The following GAN variants were observed in gnomAD, a reference collection of about 807,000 sequenced individuals.
GAN encodes gigaxonin, also known as epididymis secretory sperm binding protein.
GAN carries 48 observed loss-of-function variants against 71.3 expected under a neutral mutation model. That is an observed-to-expected ratio of 0.67 (90% CI 0.53 to 0.86). The LOEUF (loss-of-function observed/expected upper bound fraction) is 0.86, where lower values mean the gene tolerates loss of function less well. GAN is among the 40% of genes least tolerant of loss of function. GAN has a pLI of 0.00. For missense variants in GAN, 928 were observed against 770.1 expected (o/e 1.21, Z -2.43); for synonymous variants, 386 against 276.8 (o/e 1.39, Z -3.92).
chr16:81,346,201 A>G (rs747081626), intron 1 of GAN, among the ~76,000 whole-genome samples: 1 of 152,242 alleles, frequency 6.6e-6, no homozygotes, highest in Non-Finnish European at 1.5e-5. Flanking sequence ...ATTATTAACT[A>G]CAGCAGGAGA....
intron 9 of GAN, among the ~76,000 whole-genome samples, chr16:81,371,686 C>T (rs1019525603): frequency 1.3e-5 from 2 of 152,084 alleles, no homozygotes; most frequent in Non-Finnish European, 2.9e-5. Flanking sequence ...CCTGGTTGCC[C>T]CAAGACCCCT....
intron 2 of GAN, 133 bp downstream of exon 2, chr16:81,351,830 C>T (rs1238815277): frequency 4.2e-6 from 3 of 714,160 alleles, no homozygotes; most frequent in Admixed American, 3.9e-5. Flanking sequence ...CATTGACTGA[C>T]ATTTCCTACT....
rs551198435 is a variant in GAN at position 81,379,616 on chromosome 16, T to A, written c.*2020T>A. 11 of 152,336 alleles carry A rather than the reference T, an allele frequency of 7.2e-5. No homozygotes were observed. Among genetic ancestry groups the A allele is most frequent in the African/African-American group, 2.6e-4 (11 of 41,590 alleles). 9.4% of individuals were successfully genotyped at this position (152,336 alleles called of 1,614,324 possible). A position where few individuals can be genotyped will look rare whatever the true frequency, so the allele number is the denominator to read the frequency against. On this transcript the variant is annotated 3_prime_UTR_variant, in exon 11 of 11. Transcript: ENST00000648994. ...AGATTTTTCTTTTTACAACTAGATA[T>A]TAGTTTTAGAGGAAGGAAATAGCTG...
intron 9 of GAN, among the ~76,000 whole-genome samples, chr16:81,376,622 A>ATG (rs1904281760): frequency 1.3e-5 from 2 of 150,548 alleles, no homozygotes; most frequent in South Asian, 4.2e-4. Flanking sequence ...GTATATGTAT[A>ATG]TATACATACA....
At chr16:81,316,692 A>G (rs2150664554) in intron 1 of GAN, among the ~76,000 whole-genome samples, 1 of 152,334 alleles carries the variant, frequency 6.6e-6, no homozygotes, top group African/African-American at 2.4e-5. Context: ...AGTTCTTTAA[A>G]TGGCATCCGT....
At chr16:81,346,048 A>T (rs1910108596) in intron 1 of GAN, among the ~76,000 whole-genome samples, 1 of 152,228 alleles carries the variant, frequency 6.6e-6, no homozygotes. Context: ...TAAGAACTCT[A>T]ATTCTATCCT....
intron 1 of GAN, among the ~76,000 whole-genome samples, chr16:81,335,446 G>A (rs1300188818): frequency 6.6e-6 from 1 of 152,000 alleles, no homozygotes; most frequent in Non-Finnish European, 1.5e-5. Flanking sequence ...GTGAAACCCT[G>A]TGTCTACTAA....
chr16:81,338,184 GT>G (rs1909827920), intron 1 of GAN, among the ~76,000 whole-genome samples: 2 of 152,070 alleles, frequency 1.3e-5, no homozygotes, highest in Non-Finnish European at 2.9e-5. Flanking sequence ...ACTTTCTATT[GT>G]TTCTAATTTT....
At chr16:81,354,275 G>T in intron 2 of GAN, 130 bp from the exon 3 acceptor site, 2 of 678,456 alleles carry the variant, frequency 2.9e-6, no homozygotes, top group Non-Finnish European at 5.1e-6. Flanking sequence ...TAAACCATAT[G>T]AAATTGCCAA....
At chr16:81,341,344 C>A (rs1291430205) in intron 1 of GAN, among the ~76,000 whole-genome samples, 1 of 151,900 alleles carries the variant, frequency 6.6e-6, no homozygotes, top group Non-Finnish European at 1.5e-5. Context: ...CATAGATTCA[C>A]CAAGGTTGAA....
intron 1 of GAN, among the ~76,000 whole-genome samples, chr16:81,334,080 T>C (rs1037268018): frequency 5.9e-5 from 9 of 152,368 alleles, no homozygotes; most frequent in Middle Eastern, 3.4e-3. Flanking sequence ...CACATGACTC[T>C]CAAAGATACA....
intron 5 of GAN, 139 bp from the exon 6 acceptor site, chr16:81,362,360 A>T: frequency 1.4e-6 from 1 of 696,878 alleles, no homozygotes. Flanking sequence ...ATCCAATGGG[A>T]TGTGATAAAA....
At chr16:81,360,061 G>GGATA (rs71146006) in intron 5 of GAN, among the ~76,000 whole-genome samples, 58,987 of 123,636 alleles carry the variant, frequency 0.48, 12,264 homozygotes, top group Middle Eastern at 0.58. Flanking sequence ...ATGGATGGAT[G>GGATA]GATGGATAGA....
Position 81,349,705 on chromosome 16 carries a change from C to T in GAN, c.168-1878C>T, listed in dbSNP as rs545420120. 2.0e-5 allele frequency among the ~76,000 whole-genome samples: 3 copies of T among 152,210 alleles called. No homozygotes were observed. In the East Asian group the frequency reaches 5.8e-4, roughly 29 times the overall value. Reference sequence around the variant, plus strand: ...TCCTGTTCTGTTTGTATTCAGTCTACCAAAAGTCTGATCCTTTGTTGACTT... The same window carrying T: ...TCCTGTTCTGTTTGTATTCAGTCTATCAAAAGTCTGATCCTTTGTTGACTT... On this transcript the variant is annotated intron_variant, in intron 1 of 10. Transcript: ENST00000648994.
rs915932054 is a variant in GAN, at chr16:81,359,540, C to T, written c.973+1609C>T. Reference sequence around the variant, plus strand: ...GGAAGATTACCTTAGAAATTACAGCCTGTATTAAGTTAGCAAAGTCCAAAG... The same window carrying T: ...GGAAGATTACCTTAGAAATTACAGCTTGTATTAAGTTAGCAAAGTCCAAAG... On this transcript the variant is annotated intron_variant, in intron 5 of 10. Transcript: ENST00000648994. Among the ~76,000 whole-genome samples, 139 of 152,060 alleles carry T rather than the reference C, an allele frequency of 9.1e-4. 1 individual carries two copies. Among genetic ancestry groups the T allele is most frequent in the African/African-American group, 3.1e-3 (127 of 41,468 alleles).
At chr16:81,322,151 C>G (rs574115630) in intron 1 of GAN, among the ~76,000 whole-genome samples, 36 of 152,332 alleles carry the variant, frequency 2.4e-4, no homozygotes, top group African/African-American at 8.4e-4. Context: ...CCTAATTTCT[C>G]ATAAAGATTA....
chr16:81,366,536 T>C (rs1234183101), intron 9 of GAN, among the ~76,000 whole-genome samples: 1 of 152,234 alleles, frequency 6.6e-6, no homozygotes, highest in Non-Finnish European at 1.5e-5. Flanking sequence ...CAGAAGAGGG[T>C]GCCATAACAT....
intron 9 of GAN, among the ~76,000 whole-genome samples, chr16:81,368,379 C>T (rs1482797272): frequency 1.3e-5 from 2 of 152,176 alleles, no homozygotes; most frequent in Non-Finnish European, 2.9e-5. Context: ...TGGTAGGATC[C>T]CTTGAGCCCA....
chr16:81,342,618 A>C (rs1316811715), intron 1 of GAN, among the ~76,000 whole-genome samples: 4 of 152,252 alleles, frequency 2.6e-5, no homozygotes, highest in Non-Finnish European at 5.9e-5. Context: ...AATCTTTGGG[A>C]CACATTTCAA....
Sources: gnomAD v4.1 joint callset for allele counts (sites outside exome capture counted in the v4.1 genomes callset) on GRCh38, gnomAD v4.1.1 for gene constraint, MANE v1.5 for transcripts, NCBI Gene and HGNC (gene_info 2026-07-23, HGNC 2026-07-21) for gene names.